Variants in RNLS observed in about 807,000 individuals in gnomAD.
RNLS encodes renalase, FAD dependent amine oxidase, also known as renalase.
Under a neutral mutation model 39.8 loss-of-function variants are expected in RNLS, and 39 were observed. The observed-to-expected ratio is 0.98, with a 90% CI of 0.76 to 1.28. The LOEUF is 1.28. Ranked by LOEUF, RNLS falls within the 50% of genes most tolerant of loss-of-function variation. RNLS has a pLI of 0.00. For missense variants in RNLS, 410 were observed against 413.3 expected (o/e 0.99, Z 0.07); for synonymous variants, 147 against 150.7 (o/e 0.98, Z 0.18).
intron 6 of RNLS, among the ~76,000 whole-genome samples, chr10:88,301,996 C>T (rs1434986037): frequency 6.6e-6 from 1 of 152,194 alleles, no homozygotes; most frequent in Non-Finnish European, 1.5e-5. Flanking sequence ...CCTCTTATTA[C>T]TACTACTGGT....
chr10:88,437,775 G>A (rs555749059), intron 4 of RNLS, among the ~76,000 whole-genome samples: 2 of 152,196 alleles, frequency 1.3e-5, no homozygotes, highest in East Asian at 1.9e-4. Context: ...CCTACCCAAT[G>A]AGATGTGAGG....
chr10:88,382,473 A>G (rs1341864794), intron 4 of RNLS, among the ~76,000 whole-genome samples: 1 of 152,180 alleles, frequency 6.6e-6, no homozygotes, highest in Non-Finnish European at 1.5e-5. Flanking sequence ...AAAAGTGCAA[A>G]TAACACTGCA....
chr10:88,413,640 G>C (rs1402864846), intron 4 of RNLS, among the ~76,000 whole-genome samples: 3 of 152,098 alleles, frequency 2.0e-5, no homozygotes, highest in Non-Finnish European at 4.4e-5. Context: ...AAATGATGGG[G>C]GTTGTATTTT....
At chr10:88,347,826 CT>C (rs1425075161) in intron 5 of RNLS, among the ~76,000 whole-genome samples, 1 of 152,060 alleles carries the variant, frequency 6.6e-6, no homozygotes, top group Non-Finnish European at 1.5e-5. Flanking sequence ...CTCAGGATAT[CT>C]GAAATTTTCT....
chr10:88,217,115 A>G, the RNLS span, among the ~76,000 whole-genome samples: 1 of 152,196 alleles, frequency 6.6e-6, no homozygotes, highest in African/African-American at 2.4e-5. Context: ...TGGGGTGGTT[A>G]TTAAACAAGC....
At chr10:88,300,271 G>A (rs1844415669) in intron 6 of RNLS, among the ~76,000 whole-genome samples, 1 of 152,098 alleles carries the variant, frequency 6.6e-6, no homozygotes, top group South Asian at 2.1e-4. Flanking sequence ...AGTGAGTAAG[G>A]AATTAATAAG....
At chr10:88,440,667 A>C (rs1165665520) in intron 4 of RNLS, among the ~76,000 whole-genome samples, 1 of 152,138 alleles carries the variant, frequency 6.6e-6, no homozygotes, top group Non-Finnish European at 1.5e-5. Context: ...AGCAATGAGG[A>C]CTACACACTT....
chr10:88,376,741 C>G (rs1851031652), intron 4 of RNLS, among the ~76,000 whole-genome samples: 1 of 152,036 alleles, frequency 6.6e-6, no homozygotes, highest in Non-Finnish European at 1.5e-5. Context: ...GCAAATCTTC[C>G]CCTACATACC....
At chr10:88,456,860 C>T (rs1463375021) in intron 4 of RNLS, among the ~76,000 whole-genome samples, 1 of 152,118 alleles carries the variant, frequency 6.6e-6, no homozygotes, top group Admixed American at 6.6e-5. Context: ...TTGTGGTGTA[C>T]CTCACCATCA....
intron 4 of RNLS, among the ~76,000 whole-genome samples, chr10:88,490,170 G>A (rs974542809): frequency 5.9e-5 from 9 of 152,170 alleles, no homozygotes; most frequent in African/African-American, 2.2e-4. Flanking sequence ...AGAGCAAGCT[G>A]TAGCAAAACA....
intron 3 of RNLS, among the ~76,000 whole-genome samples, chr10:88,577,702 G>T (rs911040363): frequency 6.6e-6 from 1 of 152,152 alleles, no homozygotes; most frequent in African/African-American, 2.4e-5. Flanking sequence ...TATTAATGGA[G>T]AAGGCAGGCA....
intron 5 of RNLS, among the ~76,000 whole-genome samples, chr10:88,357,571 C>T (rs1822225863): frequency 6.6e-6 from 1 of 152,120 alleles, no homozygotes; most frequent in African/African-American, 2.4e-5. Flanking sequence ...ATAATCTGTT[C>T]CTTTTACAGA....
chr10:88,528,492 A>G (rs755909026), intron 4 of RNLS, among the ~76,000 whole-genome samples: 8 of 152,168 alleles, frequency 5.3e-5, no homozygotes, highest in Non-Finnish European at 8.8e-5. Flanking sequence ...CCTGGATGAT[A>G]ATGAAAGATG....
chr10:88,172,735 C>CATAA, the RNLS span, among the ~76,000 whole-genome samples: 2 of 147,452 alleles, frequency 1.4e-5, no homozygotes, highest in African/African-American at 5.0e-5. Flanking sequence ...AAGTCTTACT[C>CATAA]ATAAAATCTT....
chr10:88,454,673 G>A (rs1446140319), intron 4 of RNLS, among the ~76,000 whole-genome samples: 1 of 152,176 alleles, frequency 6.6e-6, no homozygotes, highest in Non-Finnish European at 1.5e-5. Context: ...AAGTCACTCA[G>A]GGGAAACATA....
chr10:88,246,763 C>T, the RNLS span, among the ~76,000 whole-genome samples: 12 of 152,240 alleles, frequency 7.9e-5, no homozygotes, highest in East Asian at 1.9e-4. Context: ...AAGAAATCAA[C>T]GCATTGGATA....
At chr10:88,205,818 T>C in the RNLS span, among the ~76,000 whole-genome samples, 1 of 152,134 alleles carries the variant, frequency 6.6e-6, no homozygotes, top group African/African-American at 2.4e-5. Context: ...ATGTATACCC[T>C]GGAAGAGGAG....
chr10:88,381,409 A>AAATAAT (rs147778701), intron 4 of RNLS, among the ~76,000 whole-genome samples: 1 of 151,608 alleles, frequency 6.6e-6, no homozygotes, highest in African/African-American at 2.4e-5. Context: ...AGTTTTTTAA[A>AAATAAT]AATACAATAT....
chr10:88,338,637 C>G (rs2133206076), intron 5 of RNLS, among the ~76,000 whole-genome samples: 1 of 152,212 alleles, frequency 6.6e-6, no homozygotes, highest in South Asian at 2.1e-4. Flanking sequence ...TATACGTGCT[C>G]TTGAGCACGA....
Sources: gnomAD v4.1 joint callset for allele counts (sites outside exome capture counted in the v4.1 genomes callset) on GRCh38, gnomAD v4.1.1 for gene constraint, MANE v1.5 for transcripts, NCBI Gene and HGNC (gene_info 2026-07-23, HGNC 2026-07-21) for gene names.